The following HEATR1 variants were observed in gnomAD, a reference collection of about 807,000 sequenced individuals.
HEATR1 encodes the protein HEAT repeat containing 1.
Under a neutral mutation model 248.2 loss-of-function variants are expected in HEATR1, and 77 were observed. The observed-to-expected ratio is 0.31, with a 90% CI of 0.26 to 0.37. HEATR1 has a LOEUF of 0.37. Among genes scored for constraint, HEATR1 ranks in the 10% least tolerant of loss-of-function variants. The pLI, the probability that HEATR1 is intolerant of heterozygous loss-of-function variation, is 1.00. For synonymous variants in HEATR1, 897 were observed against 923.1 expected, an observed-to-expected ratio of 0.97 and a Z score of 0.51; for missense variants, 2,420 against 2,504.9, an observed-to-expected ratio of 0.97 and a Z score of 0.72.
At chr1:236,563,930 T>C (rs983116161) in intron 32 of HEATR1, among the ~76,000 whole-genome samples, 9 of 152,164 alleles carry the variant, frequency 5.9e-5, no homozygotes, top group East Asian at 3.9e-4. Context: ...GCCTGGGTAA[T>C]AGAGCGAGAC....
intron 20 of HEATR1, 107 bp downstream of exon 20, chr1:236,581,115 C>T (rs1663724991): frequency 2.2e-6 from 2 of 898,398 alleles, no homozygotes; most frequent in African/African-American, 1.8e-5. Flanking sequence ...ACCGCGCCTG[C>T]CCTCTGCTAT....
In HEATR1 at chr1:236,559,018, T is replaced by G; in HGVS notation, c.4888A>C (p.Asn1630His). Reference protein sequence around the residue: ...LDLLNNKLQQNISWKKTIVTR... With the variant: ...LDLLNNKLQQHISWKKTIVTR... ...ACTATTGTCTTCTTCCAGGATATAT[T>G]TTGCTGCAGCTTGTTATTCAAAAGG... is the stretch of plus-strand genomic sequence containing the variant. Residue 1630 changes from asparagine (N) to histidine (H), a missense_variant, in exon 35 of 45, where the codon AAT (asparagine) becomes CAT (histidine). Physicochemically the swap from Asn to His is moderately conservative, Grantham distance 68 (BLOSUM62 1). Transcript: ENST00000366582. 2 of 1,610,616 alleles carry G rather than the reference T, an allele frequency of 1.2e-6. No homozygotes were observed. The highest frequency in any genetic ancestry group is 1.7e-6 in the Non-Finnish European group (2 of 1,179,100).
chr1:236,574,603 C>T (rs774156031), intron 23 of HEATR1, 58 bp downstream of exon 23: 1 of 1,539,146 alleles, frequency 6.5e-7, no homozygotes, highest in Non-Finnish European at 8.8e-7. Flanking sequence ...TTCCTGTTGC[C>T]TTCTACCTTT....
chr1:236,583,141 TCC>T lies in HEATR1; in HGVS notation c.2295_2296del (p.Glu766AlafsTer38), dbSNP rs1380668606. 1 of 1,613,688 alleles carries T rather than the reference TCC, an allele frequency of 6.2e-7. No homozygotes were observed. The highest frequency in any genetic ancestry group is 1.3e-5 in the African/African-American group (1 of 74,892). On this transcript the variant is annotated frameshift_variant, in exon 18 of 45. Coordinates refer to ENST00000366582, the MANE Select transcript of HEATR1 (RefSeq NM_018072.6). LOFTEE classifies it high-confidence loss of function. The stretch of plus-strand genomic sequence containing the variant: ...CTCTTCTACATAATGTGCCCACAGC[TCC>T]ACTGGGATCCCTCTGTCTAACATCA...
chr1:236,600,537 A>C (rs1361167073), intron 3 of HEATR1, among the ~76,000 whole-genome samples: 1 of 147,342 alleles, frequency 6.8e-6, no homozygotes, highest in Non-Finnish European at 1.5e-5. Context: ...GCCTTTTATT[A>C]GATTTTTTTT....
At chr1:236,556,879 G>A (rs1572032011) in intron 37 of HEATR1, among the ~76,000 whole-genome samples, 1 of 152,142 alleles carries the variant, frequency 6.6e-6, no homozygotes, top group East Asian at 1.9e-4. Context: ...ATTTCCACAA[G>A]TAATAAAAGG....
intron 28 of HEATR1, among the ~76,000 whole-genome samples, chr1:236,570,250 C>T (rs1331776240): frequency 2.0e-5 from 3 of 152,228 alleles, no homozygotes; most frequent in Non-Finnish European, 4.4e-5. Flanking sequence ...GATCGCGCCA[C>T]TGCACTCCAG....
chr1:236,564,616 T>G lies in HEATR1; in HGVS notation c.4481A>C (p.Glu1494Ala), dbSNP rs1487728140. 1 of 1,613,660 alleles carries G rather than the reference T, an allele frequency of 6.2e-7. No individual in the cohort carries two copies. The highest frequency in any genetic ancestry group is 8.5e-7 in the Non-Finnish European group (1 of 1,179,968). The change falls in exon 32 of 45, where the codon GAA becomes GCA. Residue 1494 changes from glutamate (E) to alanine (A), a missense_variant. Physicochemically the swap from Glu to Ala is moderately radical, Grantham distance 107. Coordinates refer to ENST00000366582, the MANE Select transcript of HEATR1 (RefSeq NM_018072.6). Reference protein sequence around the residue: ...AVSFNKSESQEEMLQVFNVET... With the variant: ...AVSFNKSESQAEMLQVFNVET... Reference sequence around the variant, plus strand: ...TACATTAAAAACCTGTAGCATTTCTTCTTGTGATTCACTCTTATTAAATGA... The same window carrying G: ...TACATTAAAAACCTGTAGCATTTCTGCTTGTGATTCACTCTTATTAAATGA...
intron 32 of HEATR1, among the ~76,000 whole-genome samples, chr1:236,561,848 CTGT>C (rs768715102): frequency 6.6e-6 from 1 of 152,184 alleles, no homozygotes; most frequent in African/African-American, 2.4e-5. Flanking sequence ...CCATTTGCCT[CTGT>C]TGTTAGATGT....
At chr1:236,600,738 T>C (rs1232423457) in intron 3 of HEATR1, among the ~76,000 whole-genome samples, 2 of 152,124 alleles carry the variant, frequency 1.3e-5, no homozygotes, top group African/African-American at 2.4e-5. Context: ...ATTCACCATG[T>C]TGGTCAGGCT....
intron 30 of HEATR1, 65 bp downstream of exon 30, chr1:236,566,581 G>T: frequency 8.5e-7 from 1 of 1,182,744 alleles, no homozygotes. Context: ...GTTTAAACTG[G>T]ACAATATCAT....
chr1:236,599,888 T>C (rs1485812700), intron 3 of HEATR1, among the ~76,000 whole-genome samples: 2 of 152,124 alleles, frequency 1.3e-5, no homozygotes, highest in Non-Finnish European at 2.9e-5. Flanking sequence ...TTCTCTCAGC[T>C]TTACAATTTT....
intron 8 of HEATR1, 135 bp from the exon 9 acceptor site, chr1:236,594,249 C>G: frequency 1.8e-6 from 1 of 556,802 alleles, no homozygotes; most frequent in Non-Finnish European, 3.1e-6. Flanking sequence ...TCTATTTGCA[C>G]AAGTGCATTC....
At chr1:236,575,718 T>C (rs992483714) in intron 22 of HEATR1, among the ~76,000 whole-genome samples, 1 of 152,222 alleles carries the variant, frequency 6.6e-6, no homozygotes, top group East Asian at 1.9e-4. Flanking sequence ...ACCTTTTTTA[T>C]GTTGGTCAGC....
At position 236,570,761 on chromosome 1, in the gene HEATR1, C is replaced by T. The variant is rs1445528658; in HGVS notation, c.3948+590G>A. On this transcript the variant is annotated intron_variant, in intron 28 of 44. Transcript: ENST00000366582. The stretch of plus-strand genomic sequence containing the variant: ...TCTCTTACAAGAAAAAAAGAAATCC[C>T]ATACAGATAAAACTTTGCATATGAT... Among the ~76,000 whole-genome samples the T allele has an allele frequency of 2.0e-5, 3 of 151,992 alleles. No individual in the cohort carries two copies. In the East Asian group the frequency reaches 5.8e-4, roughly 29 times the overall value.
At chr1:236,560,703 A>G (rs1663109263) in intron 33 of HEATR1, among the ~76,000 whole-genome samples, 1 of 152,246 alleles carries the variant, frequency 6.6e-6, no homozygotes, top group Admixed American at 6.5e-5. Context: ...CCCCGAGGAC[A>G]TGGGAGAGAA....
At position 236,556,201 on chromosome 1, in the gene HEATR1, G is replaced by A. The variant is rs900803615; in HGVS notation, c.5413C>T (p.Arg1805Cys). ...EMGSASQANI[R>C]LTSLKKTLAT... ...AGTGTCTTTTTAAGAGATGTGAGAC[G>A]GATATTAGCCTGTGACGCAGAACCC... The change falls in exon 38 of 45, where the codon CGT becomes TGT. Residue 1805 changes from arginine (R) to cysteine (C), a missense_variant. By Grantham distance (180) the Arg-to-Cys change is radical. Coordinates refer to ENST00000366582, the MANE Select transcript of HEATR1 (RefSeq NM_018072.6). 1.9e-6 allele frequency: 3 copies of A among 1,613,764 alleles called. No homozygotes were observed. The highest frequency in any genetic ancestry group is 2.5e-6 in the Non-Finnish European group (3 of 1,179,960).
chr1:236,554,488 A>C (rs960389572), intron 42 of HEATR1, 110 bp downstream of exon 42: 5 of 976,548 alleles, frequency 5.1e-6, no homozygotes, highest in Middle Eastern at 2.1e-4. Flanking sequence ...CAGAAAAAAC[A>C]ACCTTACAAA....
intron 5 of HEATR1, 40 bp downstream of exon 5, chr1:236,597,838 C>T: frequency 7.6e-7 from 1 of 1,311,954 alleles, no homozygotes; most frequent in Non-Finnish European, 1.1e-6. Context: ...AGCAAGCAAT[C>T]TTTTCATAAA....
Sources: gnomAD v4.1 joint callset for allele counts (sites outside exome capture counted in the v4.1 genomes callset) on GRCh38, gnomAD v4.1.1 for gene constraint, MANE v1.5 for transcripts, NCBI Gene and HGNC (gene_info 2026-07-23, HGNC 2026-07-21) for gene names.